Variants in MAST2 observed in about 807,000 individuals in gnomAD.
The protein encoded by MAST2 is microtubule associated serine/threonine kinase 2.
A neutral mutation model predicts 147.4 loss-of-function variants in MAST2; 70 were observed. The ratio of observed to expected loss-of-function variants is 0.47; its 90% CI spans 0.39 to 0.58. MAST2 has a LOEUF of 0.58. Among genes scored for constraint, MAST2 ranks in the 20% least tolerant of loss-of-function variants. The probability of loss-of-function intolerance (pLI) is 0.00; values close to 1 mark genes in which losing one functional copy is unlikely to be tolerated. For missense variants in MAST2, 2,080 were observed against 2,302.3 expected (o/e 0.90, Z 1.98); for synonymous variants, 869 against 896.8 (o/e 0.97, Z 0.55).
At chr1:45,876,652 T>C (rs1042959554) in intron 3 of MAST2, among the ~76,000 whole-genome samples, 9 of 152,236 alleles carry the variant, frequency 5.9e-5, no homozygotes, top group African/African-American at 1.9e-4. Flanking sequence ...GAATATTCCC[T>C]GGGAAAAGGA....
At chr1:45,816,956 C>T (rs764915360) in intron 1 of MAST2, among the ~76,000 whole-genome samples, 10 of 152,088 alleles carry the variant, frequency 6.6e-5, no homozygotes, top group East Asian at 1.9e-4. Context: ...GGATTACAGG[C>T]GTGAGCCACA....
intron 5 of MAST2, among the ~76,000 whole-genome samples, chr1:45,965,317 G>T (rs867956937): frequency 6.6e-6 from 1 of 152,070 alleles, no homozygotes; most frequent in Non-Finnish European, 1.5e-5. Context: ...TTGACAGTGG[G>T]GTGTTAAAGT....
chr1:46,008,432 C>A, intron 9 of MAST2, 61 bp downstream of exon 9: 1 of 1,080,680 alleles, frequency 9.3e-7, no homozygotes, highest in Non-Finnish European at 1.4e-6. Flanking sequence ...TACAGCCAGC[C>A]CCAATGGGAG....
At chr1:45,996,644 T>C (rs1408834714) in intron 5 of MAST2, among the ~76,000 whole-genome samples, 1 of 152,032 alleles carries the variant, frequency 6.6e-6, no homozygotes, top group Non-Finnish European at 1.5e-5. Flanking sequence ...CCAAAAACAA[T>C]GCCATTATAT....
At chr1:45,821,447 C>T (rs988993438) in intron 1 of MAST2, among the ~76,000 whole-genome samples, 7 of 151,202 alleles carry the variant, frequency 4.6e-5, no homozygotes, top group Non-Finnish European at 8.8e-5. Flanking sequence ...TTAGAAGTCA[C>T]GGAGCTTCTT....
intron 4 of MAST2, chr1:45,913,644 G>A (rs1652012731): frequency 9.9e-7 from 1 of 1,012,332 alleles, no homozygotes. Context: ...GGGCTCTTAG[G>A]TCTTTTGTGG....
intron 3 of MAST2, among the ~76,000 whole-genome samples, chr1:45,838,366 T>C (rs1239026990): frequency 7.3e-5 from 11 of 151,452 alleles, no homozygotes; most frequent in Admixed American, 7.2e-4. Flanking sequence ...ATTACAGGCA[T>C]GCACCACCAT....
intron 4 of MAST2, among the ~76,000 whole-genome samples, chr1:45,883,400 G>C (rs114125230): frequency 1.0e-3 from 156 of 152,212 alleles, no homozygotes; most frequent in African/African-American, 3.4e-3. Context: ...AGCCTTTTGG[G>C]CTGTTTACGA....
At chr1:45,890,184 A>T (rs1192872125) in intron 4 of MAST2, among the ~76,000 whole-genome samples, 1 of 151,630 alleles carries the variant, frequency 6.6e-6, no homozygotes, top group Non-Finnish European at 1.5e-5. Context: ...TTCCCAGAAC[A>T]TACTTTCAAT....
chr1:45,892,412 A>T (rs1028054808), intron 4 of MAST2, among the ~76,000 whole-genome samples: 1 of 152,250 alleles, frequency 6.6e-6, no homozygotes, highest in African/African-American at 2.4e-5. Flanking sequence ...TGGACATTAA[A>T]ATAATATTTC....
At position 45,824,471 on chromosome 1, in the gene MAST2, A is replaced by G. The variant is rs755013963; in HGVS notation, c.216A>G (p.Lys72=). ...VTGVSPLLFR[K]LSNPDIFSST... ...GAGTTAGTCCCCTGCTCTTCAGGAA[A>G]CTCAGTAATCCTGACATATTTTCAT... The change falls in exon 2 of 29, where the codon AAA becomes AAG. Residue 72 remains lysine, a synonymous_variant. Coordinates refer to ENST00000361297, the MANE Select transcript of MAST2 (RefSeq NM_015112.3). 1.1e-5 allele frequency: 18 copies of G among 1,611,146 alleles called. No individual in the cohort carries two copies. The highest frequency in any genetic ancestry group is 3.3e-5 in the Admixed American group (2 of 59,802).
chr1:46,011,847 C>G (rs1179992710), intron 10 of MAST2, among the ~76,000 whole-genome samples: 1 of 152,118 alleles, frequency 6.6e-6, no homozygotes, highest in African/African-American at 2.4e-5. Flanking sequence ...ACAGTTGAAT[C>G]TAGAGAAAGG....
At chr1:45,964,566 C>A (rs916267935) in intron 5 of MAST2, among the ~76,000 whole-genome samples, 1 of 151,954 alleles carries the variant, frequency 6.6e-6, no homozygotes, top group African/African-American at 2.4e-5. Flanking sequence ...GGTGATAACC[C>A]CTTTATCATT....
At position 46,016,647 on chromosome 1, in the gene MAST2, A is replaced by G. The variant is rs1392603743; in HGVS notation, c.1189-2949A>G. On this transcript the variant is annotated intron_variant, in intron 10 of 28. Coordinates refer to ENST00000361297, the MANE Select transcript of MAST2 (RefSeq NM_015112.3). ...GACGTGAAGGACCTCTTCAAGGAGA[A>G]CTACAAACCACTGCTCAGTGAAATA... is the stretch of plus-strand genomic sequence containing the variant. Among the ~76,000 whole-genome samples, 3 of 84,246 alleles carry G rather than the reference A, an allele frequency of 3.6e-5. No homozygotes were observed. In the East Asian group the frequency reaches 1.1e-3, roughly 31 times the overall value. 55.3% of individuals were successfully genotyped at this position (84,246 alleles called of 152,430 possible). A position where few individuals can be genotyped will look rare whatever the true frequency, so the allele number is the denominator to read the frequency against.
At chr1:45,940,028 G>C (rs192331171) in intron 4 of MAST2, among the ~76,000 whole-genome samples, 1 of 74,166 alleles carries the variant, frequency 1.3e-5, no homozygotes, top group African/African-American at 6.0e-5. Flanking sequence ...CTTTTGCCCA[G>C]GCTGGAGTGC....
chr1:46,023,637 T>C lies in MAST2; in HGVS notation c.1572-135T>C. 2.6e-6 allele frequency: 2 copies of C among 778,686 alleles called. No homozygotes were observed. The highest frequency in any genetic ancestry group is 3.5e-5 in the South Asian group (2 of 57,026). The allele number at this position is 778,686 out of a possible 1,614,324, so 48.2% of individuals were successfully genotyped here. A position where few individuals can be genotyped will look rare whatever the true frequency, so the allele number is the denominator to read the frequency against. ...CTATGGACCAGGGGGTCCCAGACCC[T>C]TCTCACTGATATGCATGCCCTTGCC... On this transcript the variant is annotated intron_variant, in intron 14 of 28. Coordinates refer to ENST00000361297, the MANE Select transcript of MAST2 (RefSeq NM_015112.3). The surrounding 1 kb of genome is among the most constrained non-coding windows in gnomAD (Gnocchi z 4.9).
intron 4 of MAST2, among the ~76,000 whole-genome samples, chr1:45,933,092 C>T (rs1211781397): frequency 1.7e-5 from 2 of 120,034 alleles, no homozygotes; most frequent in Admixed American, 9.1e-5. Flanking sequence ...AAAAAAAGGC[C>T]AAGTGTGGTG....
intron 2 of MAST2, among the ~76,000 whole-genome samples, chr1:45,826,381 TCTC>T (rs1197664219): frequency 6.6e-6 from 1 of 151,930 alleles, no homozygotes; most frequent in Non-Finnish European, 1.5e-5. Flanking sequence ...TGAGACAGGG[TCTC>T]CTCTGTCGCC....
At chr1:45,942,643 G>A (rs1212867518) in intron 4 of MAST2, among the ~76,000 whole-genome samples, 8 of 152,110 alleles carry the variant, frequency 5.3e-5, no homozygotes, top group Non-Finnish European at 1.0e-4. Context: ...CTAGACAAAG[G>A]CTTGGGCTGC....
Sources: gnomAD v4.1 joint callset for allele counts (sites outside exome capture counted in the v4.1 genomes callset) on GRCh38, gnomAD v4.1.1 for gene constraint, Gnocchi (gnomAD v3.1) non-coding constraint, MANE v1.5 for transcripts, NCBI Gene and HGNC (gene_info 2026-07-23, HGNC 2026-07-21) for gene names.